The following SVOP variants were observed in gnomAD, a reference collection of about 807,000 sequenced individuals.
The protein encoded by SVOP is synaptic vesicle 2-related protein.
SVOP carries 17 observed loss-of-function variants against 69.1 expected under a neutral mutation model. The ratio of observed to expected loss-of-function variants is 0.25; its 90% CI spans 0.17 to 0.37. The LOEUF is 0.37. SVOP is among the 10% of genes least tolerant of loss of function. The pLI, the probability that SVOP is intolerant of heterozygous loss-of-function variation, is 1.00. For missense variants in SVOP, 435 were observed against 597.5 expected (o/e 0.73, Z 2.84); for synonymous variants, 238 against 238.6 (o/e 1.00, Z 0.02).
intron 1 of SVOP, among the ~76,000 whole-genome samples, chr12:108,984,161 A>G (rs931021464): frequency 2.6e-5 from 4 of 152,300 alleles, no homozygotes; most frequent in South Asian, 4.1e-4. Context: ...TGCTCACACC[A>G]TATTTCTAAA....
chr12:108,935,748 T>G (rs2039852598), intron 10 of SVOP, among the ~76,000 whole-genome samples: 1 of 152,166 alleles, frequency 6.6e-6, no homozygotes, highest in African/African-American at 2.4e-5. Context: ...TGTACATGAA[T>G]TGGTGCAAAG....
chr12:108,915,843 G>T lies in SVOP; in HGVS notation c.1380C>A (p.Gly460=). 6.2e-7 allele frequency: 1 copy of T among 1,608,882 alleles called. No individual in the cohort carries two copies. Among genetic ancestry groups the T allele is most frequent in the African/African-American group, 1.3e-5 (1 of 74,878 alleles). ...EVYPTATRAL[G]LGTCSGMARV... is the part of the protein sequence containing the mutation. ...TTGCCATGCCGCTGCAGGTGCCCAG[G>T]CCGAGGGCCCGCGTTGCCGTGGGGT... Residue 460 remains glycine, a synonymous_variant, in exon 15 of 16, where the codon GGC becomes GGA. Coordinates refer to ENST00000610966, the MANE Select transcript of SVOP (RefSeq NM_018711.5).
chr12:108,939,089 C>T (rs1339578162), intron 8 of SVOP, 134 bp from the exon 9 acceptor site: 10 of 1,239,616 alleles, frequency 8.1e-6, no homozygotes, highest in South Asian at 1.5e-5. Context: ...ACTTCAAATC[C>T]TGGCCCCACC....
intron 12 of SVOP, 150 bp downstream of exon 12, chr12:108,922,540 G>C: frequency 1.6e-6 from 1 of 640,422 alleles, no homozygotes. Flanking sequence ...CACAGTTCTT[G>C]ACAACTTATA....
chr12:108,997,111 G>A (rs1200979941), intron 1 of SVOP, among the ~76,000 whole-genome samples: 1 of 152,166 alleles, frequency 6.6e-6, no homozygotes, highest in Non-Finnish European at 1.5e-5. Context: ...CGTGCACCGT[G>A]CGCGAGCCGA....
At chr12:108,977,178 T>G (rs990689807) in intron 4 of SVOP, among the ~76,000 whole-genome samples, 1 of 152,158 alleles carries the variant, frequency 6.6e-6, no homozygotes, top group African/African-American at 2.4e-5. Context: ...AGCAACAGAA[T>G]AGGATGCCTG....
At chr12:108,954,699 G>A (rs952605880) in intron 6 of SVOP, among the ~76,000 whole-genome samples, 3 of 152,120 alleles carry the variant, frequency 2.0e-5, no homozygotes, top group Admixed American at 6.6e-5. Context: ...TCCACTGATG[G>A]CACCATTTTC....
chr12:108,921,191 T>G (rs1370624455), intron 12 of SVOP, among the ~76,000 whole-genome samples: 2 of 152,224 alleles, frequency 1.3e-5, no homozygotes, highest in African/African-American at 2.4e-5. Context: ...AAATGGAGAT[T>G]GCAAATGCTG....
At chr12:108,948,294 G>A (rs182486171) in intron 6 of SVOP, among the ~76,000 whole-genome samples, 1 of 152,292 alleles carries the variant, frequency 6.6e-6, no homozygotes, top group African/African-American at 2.4e-5. Flanking sequence ...CACTTATAGA[G>A]GAATCTCTGC....
At chr12:108,952,039 C>A (rs967772524) in intron 6 of SVOP, among the ~76,000 whole-genome samples, 1 of 152,024 alleles carries the variant, frequency 6.6e-6, no homozygotes, top group Non-Finnish European at 1.5e-5. Context: ...GCCATGGGAC[C>A]AGGTGCCTGG....
At position 108,912,018 on chromosome 12, in the gene SVOP, CG is replaced by C; in HGVS notation, c.*516del. On this transcript the variant is annotated 3_prime_UTR_variant, in exon 16 of 16. Coordinates refer to ENST00000610966, the MANE Select transcript of SVOP (RefSeq NM_018711.5). ...CTGGTCAGGCTCTAGGGAGGCAAAC[CG>C]GGGGGCCCCTGCCAGGAAATAGCTG... 1.0e-5 allele frequency: 3 copies of C among 291,196 alleles called. No individual in the cohort carries two copies. Among genetic ancestry groups the C allele is most frequent in the Non-Finnish European group, 1.0e-5 (2 of 194,664 alleles). 18.0% of individuals were successfully genotyped at this position (291,196 alleles called of 1,614,324 possible). A position where few individuals can be genotyped will look rare whatever the true frequency, so the allele number is the denominator to read the frequency against.
intron 8 of SVOP, 98 bp from the exon 9 acceptor site, chr12:108,939,053 G>C (rs547117508): frequency 1.3e-6 from 2 of 1,549,844 alleles, no homozygotes; most frequent in East Asian, 2.3e-5. Context: ...GTCTTTAAGA[G>C]TGGGGGCTCT....
At chr12:108,961,280 A>G (rs1566057872) in intron 5 of SVOP, among the ~76,000 whole-genome samples, 2 of 152,156 alleles carry the variant, frequency 1.3e-5, no homozygotes, top group South Asian at 2.1e-4. Context: ...TGGGCCAGAT[A>G]TGTCAGATAT....
chr12:108,996,103 C>G (rs994962475), intron 1 of SVOP, among the ~76,000 whole-genome samples: 1 of 152,118 alleles, frequency 6.6e-6, no homozygotes. Flanking sequence ...CACAGTGGCT[C>G]ATGCCTATAA....
intron 1 of SVOP, among the ~76,000 whole-genome samples, chr12:108,994,990 A>T (rs952234337): frequency 5.9e-5 from 9 of 151,830 alleles, no homozygotes; most frequent in East Asian, 1.9e-4. Context: ...AAAAATTTTT[A>T]AAAAATTAGC....
intron 8 of SVOP, among the ~76,000 whole-genome samples, chr12:108,939,327 T>A (rs1378136419): frequency 6.6e-6 from 1 of 152,208 alleles, no homozygotes; most frequent in Non-Finnish European, 1.5e-5. Flanking sequence ...TTTTCAGAGT[T>A]CCAGGTGAGG....
chr12:108,983,167 CA>C (rs2040150858), intron 2 of SVOP, among the ~76,000 whole-genome samples: 1 of 151,920 alleles, frequency 6.6e-6, no homozygotes, highest in Non-Finnish European at 1.5e-5. Context: ...TCATCACCAT[CA>C]TCACCATTGC....
intron 4 of SVOP, among the ~76,000 whole-genome samples, chr12:108,975,854 C>T (rs1034311082): frequency 6.6e-6 from 1 of 152,010 alleles, no homozygotes; most frequent in African/African-American, 2.4e-5. Context: ...GGACGCGCCA[C>T]CATGCCCAGT....
At chr12:108,915,682 T>A in intron 15 of SVOP, 101 bp downstream of exon 15, 1 of 1,246,806 alleles carries the variant, frequency 8.0e-7, no homozygotes, top group Middle Eastern at 1.9e-4. Context: ...AATGAGCGAA[T>A]GCAACCCGAG....
Sources: allele counts gnomAD v4.1 joint callset (sites outside exome capture counted in the v4.1 genomes callset), GRCh38; gene constraint gnomAD v4.1.1; transcripts MANE v1.5; gene names NCBI Gene and HGNC (gene_info 2026-07-23, HGNC 2026-07-21).